Variants in MAOB observed in about 807,000 individuals in gnomAD.
The protein encoded by MAOB is monoamine oxidase B, also known as amine oxidase [flavin-containing] B.
A neutral mutation model predicts 41.9 loss-of-function variants in MAOB; 15 were observed. The ratio of observed to expected loss-of-function variants is 0.36; its 90% confidence interval spans 0.24 to 0.55. The LOEUF is 0.55. Among genes scored for constraint, MAOB ranks in the 20% least tolerant of loss-of-function variants. The pLI is 0.86. For missense variants in MAOB, 345 were observed against 398.7 expected (o/e 0.87, Z 1.15); for synonymous variants, 167 against 144.2 (o/e 1.16, Z -1.13).
chrX:43,839,489 A>T (rs1416182522), intron 2 of MAOB, among the ~76,000 whole-genome samples: 1 of 112,320 alleles, frequency 8.9e-6, no homozygotes, highest in African/African-American at 3.2e-5. Flanking sequence ...TAGTATATTT[A>T]CGTAGTTTTG....
intron 1 of MAOB, among the ~76,000 whole-genome samples, chrX:43,857,112 TATATAGAGAGAGAG>T (rs1342732005): frequency 3.7e-3 from 56 of 14,985 alleles, no homozygotes; most frequent in African/African-American, 0.013. Context: ...TATATATATA[TATATAGAGAGAGAG>T]AGAGAGAGAG....
At chrX:43,796,271 C>A (rs1336500390) in intron 6 of MAOB, among the ~76,000 whole-genome samples, 2 of 111,372 alleles carry the variant, frequency 1.8e-5, no homozygotes, top group African/African-American at 3.3e-5. Context: ...CCTAAGCCTG[C>A]TTCCCCTTGC....
chrX:43,854,175 G>A (rs1484328366), intron 1 of MAOB, among the ~76,000 whole-genome samples: 1 of 111,866 alleles, frequency 8.9e-6, no homozygotes, highest in Admixed American at 9.5e-5. Context: ...TGTTGGAACT[G>A]GGAAATGGGG....
chrX:43,875,269 A>C (rs1261024410), intron 1 of MAOB, among the ~76,000 whole-genome samples: 1 of 111,782 alleles, frequency 8.9e-6, no homozygotes, highest in African/African-American at 3.3e-5. Context: ...AGGGGCTGTG[A>C]GGTCTGGAGC....
At chrX:43,800,427 A>T (rs1457945294) in intron 5 of MAOB, among the ~76,000 whole-genome samples, 1 of 111,824 alleles carries the variant, frequency 8.9e-6, no homozygotes, top group Non-Finnish European at 1.9e-5. Flanking sequence ...CTATTAAAAT[A>T]AATTATATTG....
intron 4 of MAOB, 132 bp downstream of exon 4, chrX:43,803,168 C>G: frequency 2.0e-6 from 1 of 508,955 alleles, no homozygotes; most frequent in Non-Finnish European, 2.9e-6. Flanking sequence ...CAAGTTCATT[C>G]ATTCATTTCA....
At chrX:43,881,142 G>A (rs751414978) in intron 1 of MAOB, among the ~76,000 whole-genome samples, 2 of 113,252 alleles carry the variant, frequency 1.8e-5, no homozygotes, top group East Asian at 5.6e-4. Flanking sequence ...CCAAAGGGGA[G>A]AAAGGCTGGA....
At chrX:43,844,031 A>G in intron 1 of MAOB, 1 of 588,765 alleles carries the variant, frequency 1.7e-6, no homozygotes, top group East Asian at 6.0e-5. Flanking sequence ...TAATGACTAA[A>G]TTGCATGTCT....
At chrX:43,857,148 G>A (rs1333833078) in intron 1 of MAOB, among the ~76,000 whole-genome samples, 53 of 61,241 alleles carry the variant, frequency 8.7e-4, no homozygotes, top group African/African-American at 4.1e-4. Context: ...GAGAGAGAGA[G>A]AGAGAGAGAG....
intron 1 of MAOB, among the ~76,000 whole-genome samples, chrX:43,846,560 GA>G (rs369222317): frequency 1.8e-5 from 2 of 109,723 alleles, no homozygotes; most frequent in African/African-American, 3.3e-5. Flanking sequence ...AAATTGATCT[GA>G]AAAAAAAATT....
chrX:43,844,929 T>C (rs780399383), intron 1 of MAOB, among the ~76,000 whole-genome samples: 1 of 112,132 alleles, frequency 8.9e-6, no homozygotes, highest in East Asian at 2.8e-4. Flanking sequence ...ATCTGTGTGA[T>C]GGTGGGAGCC....
intron 2 of MAOB, among the ~76,000 whole-genome samples, chrX:43,841,239 G>T (rs2147164576): frequency 9.0e-6 from 1 of 111,257 alleles, no homozygotes; most frequent in East Asian, 2.8e-4. Context: ...AACTTGCTTT[G>T]CTTGACTCTG....
At chrX:43,806,832 AT>A (rs2034667818) in intron 3 of MAOB, among the ~76,000 whole-genome samples, 1 of 112,159 alleles carries the variant, frequency 8.9e-6, no homozygotes, top group Admixed American at 9.4e-5. Context: ...CTAATACAAT[AT>A]GATTTATTTG....
At chrX:43,791,559 C>A (rs1329803230) in intron 8 of MAOB, among the ~76,000 whole-genome samples, 1 of 111,322 alleles carries the variant, frequency 9.0e-6, no homozygotes, top group African/African-American at 3.3e-5. Context: ...AGATCGAGAC[C>A]ATCCTGGCTA....
At chrX:43,792,999 T>C (rs1285625043) in intron 8 of MAOB, among the ~76,000 whole-genome samples, 2 of 112,003 alleles carry the variant, frequency 1.8e-5, no homozygotes, top group East Asian at 5.6e-4. Context: ...TATGCAGCCA[T>C]AAAAAGAGAA....
At chrX:43,789,645 T>A (rs1420232455) in intron 8 of MAOB, among the ~76,000 whole-genome samples, 1 of 111,401 alleles carries the variant, frequency 9.0e-6, no homozygotes, top group African/African-American at 3.3e-5. Flanking sequence ...AGACTTAGAA[T>A]GCCTCAGTGG....
At chrX:43,864,320 G>A (rs780986247) in intron 1 of MAOB, among the ~76,000 whole-genome samples, 20 of 110,927 alleles carry the variant, frequency 1.8e-4, no homozygotes, top group Non-Finnish European at 3.6e-4. Context: ...ATCTGTATAC[G>A]TATATATGAT....
intron 1 of MAOB, among the ~76,000 whole-genome samples, chrX:43,857,176 G>A (rs2035303963): frequency 2.2e-5 from 2 of 89,596 alleles, no homozygotes; most frequent in Non-Finnish European, 2.2e-5. Context: ...AGAAGAGAGA[G>A]AGAGAGAGAG....
intron 3 of MAOB, among the ~76,000 whole-genome samples, chrX:43,810,015 G>A (rs1443669143): frequency 1.0e-5 from 1 of 99,659 alleles, no homozygotes; most frequent in African/African-American, 4.6e-5. Context: ...AGGCCGAGGC[G>A]GGCGGATCAC....
Sources: gnomAD v4.1 joint callset for allele counts (sites outside exome capture counted in the v4.1 genomes callset) on GRCh38, gnomAD v4.1.1 for gene constraint, MANE v1.5 for transcripts, NCBI Gene and HGNC (gene_info 2026-07-23, HGNC 2026-07-21) for gene names.